ZFP90: variants seen among roughly 807,000 people sequenced by gnomAD.
ZFP90 encodes the protein zinc finger protein 90 homolog.
In ZFP90, 38 loss-of-function variants were observed where a neutral mutation model predicts 60.8. The ratio of observed to expected loss-of-function variants is 0.62; its 90% CI spans 0.48 to 0.82. The LOEUF is 0.82. Ranked by LOEUF, ZFP90 falls within the 40% of genes least tolerant of loss-of-function variation. ZFP90 has a pLI of 0.00. For missense variants in ZFP90, 711 were observed against 759.1 expected, an observed-to-expected ratio of 0.94 and a Z score of 0.74; for synonymous variants, 287 against 264.8, an observed-to-expected ratio of 1.08 and a Z score of -0.82.
In ZFP90 at chr16:68,566,997, T is replaced by G. The variant is rs1363847007; in HGVS notation, c.*2299T>G. ...AGGGAGCCCAGGACATATGTGTGGCTCATTGACCAGAAGGCTTTCTTAGTC... is the reference window on the plus strand; with the variant it reads ...AGGGAGCCCAGGACATATGTGTGGCGCATTGACCAGAAGGCTTTCTTAGTC... On this transcript the variant is annotated 3_prime_UTR_variant, in exon 5 of 5. Transcript: ENST00000563169. 1 of 985,630 alleles carries G rather than the reference T, an allele frequency of 1.0e-6. No homozygotes were observed. Among genetic ancestry groups the G allele is most frequent in the Non-Finnish European group, 1.2e-6 (1 of 829,962 alleles). The allele number at this position is 985,630 out of a possible 1,614,324, so 61.1% of individuals were successfully genotyped here.
chr16:68,547,529 C>T (rs1028492279), intron 2 of ZFP90, among the ~76,000 whole-genome samples: 7 of 152,046 alleles, frequency 4.6e-5, no homozygotes, highest in Middle Eastern at 3.2e-3. Flanking sequence ...GATCCCTCTT[C>T]CTTAGGACCT....
chr16:68,566,004 T>C lies in ZFP90; in HGVS notation c.*1306T>C. ...CAAAAATTAGCTGGGCATGGTGGCA[T>C]GCAGTGGTAGTCCCAGCTACTCAGG... is the stretch of plus-strand genomic sequence containing the variant. On this transcript the variant is annotated 3_prime_UTR_variant, in exon 5 of 5. Transcript: ENST00000563169. 1.3e-6 allele frequency: 1 copy of C among 748,290 alleles called. No individual in the cohort carries two copies. Among genetic ancestry groups the C allele is most frequent in the Non-Finnish European group, 1.6e-6 (1 of 614,738 alleles). The allele number at this position is 748,290 out of a possible 1,614,324, so 46.4% of individuals were successfully genotyped here.
At chr16:68,548,521 G>T (rs11649663) in intron 2 of ZFP90, among the ~76,000 whole-genome samples, 2 of 124,674 alleles carry the variant, frequency 1.6e-5, no homozygotes, top group African/African-American at 3.2e-5. Context: ...ACGGAGTTTC[G>T]CTCTTATTGC....
At chr16:68,570,765 T>G (rs977451650), downstream of ZFP90, among the ~76,000 whole-genome samples, 1 of 152,264 alleles carries the variant, frequency 6.6e-6, no homozygotes, top group Non-Finnish European at 1.5e-5. Context: ...GATACATTAG[T>G]TGATCACTTC....
chr16:68,539,660 C>A lies in ZFP90; in HGVS notation c.-35-98C>A, dbSNP rs1006610888. 8 of 993,898 alleles carry A rather than the reference C, an allele frequency of 8.0e-6. No individual in the cohort carries two copies. In the African/African-American group the frequency reaches 1.0e-4, roughly 12 times the overall value. 61.6% of individuals were successfully genotyped at this position (993,898 alleles called of 1,614,324 possible). The stretch of plus-strand genomic sequence containing the variant: ...GGTTCCACGGTCCTCGCCACCATCT[C>A]CCCTGGAGATGTGGTTTAGGGGCGG... On this transcript the variant is annotated intron_variant, in intron 1 of 4. Coordinates refer to ENST00000563169, the MANE Select transcript of ZFP90 (RefSeq NM_001305203.2).
Position 68,564,730 on chromosome 16 carries a change from T to C in ZFP90, c.*32T>C. 3 of 1,565,346 alleles carry C rather than the reference T, an allele frequency of 1.9e-6. No homozygotes were observed. Among genetic ancestry groups the C allele is most frequent in the Non-Finnish European group, 2.6e-6 (3 of 1,160,640 alleles). ...TGAAATTAAGGAATTTGCAGAATGC[T>C]TTAGCTAAAATGTTCTGATTCAGGA... On this transcript the variant is annotated 3_prime_UTR_variant, in exon 5 of 5. Coordinates refer to ENST00000563169, the MANE Select transcript of ZFP90 (RefSeq NM_001305203.2).
In ZFP90 at chr16:68,565,170, ACTAG is replaced by A. The variant is rs1352843991; in HGVS notation, c.*474_*477del. On this transcript the variant is annotated 3_prime_UTR_variant, in exon 5 of 5. Transcript: ENST00000563169. The stretch of plus-strand genomic sequence containing the variant: ...AGTCACCATTCAAAGAATTAGATCA[ACTAG>A]CCCAACCACTTCATTGTACAGATGA... 1.0e-6 allele frequency: 1 copy of A among 992,084 alleles called. No homozygotes were observed. Among genetic ancestry groups the A allele is most frequent in the Non-Finnish European group, 1.2e-6 (1 of 834,314 alleles). The allele number at this position is 992,084 out of a possible 1,614,324, so 61.5% of individuals were successfully genotyped here. A position where few individuals can be genotyped will look rare whatever the true frequency, so the allele number is the denominator to read the frequency against.
chr16:68,571,040 T>C (rs1421850277), downstream of ZFP90, among the ~76,000 whole-genome samples: 1 of 152,130 alleles, frequency 6.6e-6, no homozygotes, highest in Non-Finnish European at 1.5e-5. Flanking sequence ...AGAAGTGTGG[T>C]CTTGGGTGGC....
rs1483734620 is a variant in ZFP90 at position 68,563,963 on chromosome 16, A to G, written c.1176A>G (p.Lys392=). The G allele has an allele frequency of 8.1e-6, 13 of 1,613,892 alleles. No homozygotes were observed. Among genetic ancestry groups the G allele is most frequent in the Middle Eastern group, 1.7e-4 (1 of 6,060 alleles). The change falls in exon 5 of 5, where the codon AAA becomes AAG. Residue 392 remains lysine, a synonymous_variant. Coordinates refer to ENST00000563169, the MANE Select transcript of ZFP90 (RefSeq NM_001305203.2). ...ATGAGAGGACTCATACTGGAGAGAA[A>G]CCTTTTGAATGTAGCATATGTGGGA... ...VQHERTHTGE[K]PFECSICGRA...
intron 2 of ZFP90, among the ~76,000 whole-genome samples, chr16:68,551,308 A>G (rs987714127): frequency 2.0e-5 from 3 of 151,968 alleles, no homozygotes; most frequent in Non-Finnish European, 2.9e-5. Context: ...AGCCCATGAA[A>G]TTGAGTCTTC....
intron 4 of ZFP90, among the ~76,000 whole-genome samples, chr16:68,559,997 G>T (rs1202998271): frequency 6.6e-6 from 1 of 152,164 alleles, no homozygotes. Context: ...GCTTCCCAAA[G>T]TGTTGGGATT....
chr16:68,554,389 G>A (rs1027526162), intron 2 of ZFP90, among the ~76,000 whole-genome samples: 3 of 151,762 alleles, frequency 2.0e-5, no homozygotes, highest in Non-Finnish European at 2.9e-5. Flanking sequence ...TGATCCACCC[G>A]CCTCAGCCCC....
chr16:68,565,061 C>A lies in ZFP90; in HGVS notation c.*363C>A, dbSNP rs1275090525. ...CAAATTCCTGCAGTAATGACCAAAA[C>A]CCATTTTAAAAATTGCTTGACAACT... On this transcript the variant is annotated 3_prime_UTR_variant, in exon 5 of 5. Transcript: ENST00000563169. 1 of 1,003,608 alleles carries A rather than the reference C, an allele frequency of 1.0e-6. No homozygotes were observed. The highest frequency in any genetic ancestry group is 5.6e-5 in the Admixed American group (1 of 17,734). 62.2% of individuals were successfully genotyped at this position (1,003,608 alleles called of 1,614,324 possible). A position where few individuals can be genotyped will look rare whatever the true frequency, so the allele number is the denominator to read the frequency against.
upstream of ZFP90, among the ~76,000 whole-genome samples, chr16:68,537,037 G>A (rs1259153599): frequency 1.3e-5 from 2 of 152,060 alleles, no homozygotes; most frequent in South Asian, 2.1e-4. Context: ...AGCACACCAA[G>A]CTTGTTCCCA....
At chr16:68,546,960 A>AT (rs1348768283) in intron 2 of ZFP90, among the ~76,000 whole-genome samples, 2 of 152,202 alleles carry the variant, frequency 1.3e-5, no homozygotes, top group Non-Finnish European at 2.9e-5. Context: ...GGCTAAATAC[A>AT]ATTCCATTTT....
intron 2 of ZFP90, chr16:68,554,974 C>T (rs1174757424): frequency 6.6e-6 from 1 of 152,106 alleles, no homozygotes; most frequent in Non-Finnish European, 1.5e-5. Flanking sequence ...CTGGTCCAAC[C>T]CCTTTATCCT....
intron 2 of ZFP90, among the ~76,000 whole-genome samples, chr16:68,555,411 G>A (rs1371130903): frequency 6.6e-6 from 1 of 152,046 alleles, no homozygotes; most frequent in Non-Finnish European, 1.5e-5. Flanking sequence ...CAGAAATATG[G>A]GGCAGAGGAG....
At chr16:68,545,833 A>G (rs2091139897) in intron 2 of ZFP90, among the ~76,000 whole-genome samples, 2 of 151,928 alleles carry the variant, frequency 1.3e-5, no homozygotes, top group Admixed American at 6.6e-5. Flanking sequence ...ACTGTTTCAA[A>G]AATAAGATTC....
Position 68,566,796 on chromosome 16 carries a change from A to G in ZFP90, c.*2098A>G, listed in dbSNP as rs1355806258. 4.1e-6 allele frequency: 4 copies of G among 985,498 alleles called. No individual in the cohort carries two copies. The highest frequency in any genetic ancestry group is 3.6e-6 in the Non-Finnish European group (3 of 829,966). 61.0% of individuals were successfully genotyped at this position (985,498 alleles called of 1,614,324 possible). A position where few individuals can be genotyped will look rare whatever the true frequency, so the allele number is the denominator to read the frequency against. ...CTACTGGTTGTTTGGGGATCCCCATAGTGGACTACTTTCAGGAATGGCATG... is the reference window on the plus strand; with the variant it reads ...CTACTGGTTGTTTGGGGATCCCCATGGTGGACTACTTTCAGGAATGGCATG... On this transcript the variant is annotated 3_prime_UTR_variant, in exon 5 of 5. Coordinates refer to ENST00000563169, the MANE Select transcript of ZFP90 (RefSeq NM_001305203.2).
Sources: gnomAD v4.1 joint callset for allele counts (sites outside exome capture counted in the v4.1 genomes callset) on GRCh38, gnomAD v4.1.1 for gene constraint, MANE v1.5 for transcripts, NCBI Gene and HGNC (gene_info 2026-07-23, HGNC 2026-07-21) for gene names.